ABCC12: variants seen among roughly 807,000 people sequenced by gnomAD.
The protein encoded by ABCC12 is ATP binding cassette subfamily C member 12.
A neutral mutation model predicts 151.1 loss-of-function variants in ABCC12; 142 were observed. The observed-to-expected ratio is 0.94, with a 90% confidence interval of 0.82 to 1.08. ABCC12 has a LOEUF of 1.08. Ranked by LOEUF, ABCC12 falls within the 50% of genes least tolerant of loss-of-function variation. ABCC12 has a pLI of 0.00. For missense variants in ABCC12, 1,638 were observed against 1,691.1 expected (o/e 0.97, Z 0.55); for synonymous variants, 645 against 646.4 (o/e 1.00, Z 0.03).
chr16:48,100,853 G>A lies in ABCC12; in HGVS notation c.3038+19C>T. 1 of 1,612,290 alleles carries A rather than the reference G, an allele frequency of 6.2e-7. No individual in the cohort carries two copies. Among genetic ancestry groups the A allele is most frequent in the Middle Eastern group, 1.7e-4 (1 of 5,988 alleles). ...CATGAAGCATGGGGGCCTGGGGCAG[G>A]GCCCCACATGGGACTCACTAGGTGA... On this transcript the variant is annotated intron_variant, in intron 23 of 30. Coordinates refer to ENST00000311303, the MANE Select transcript of ABCC12 (RefSeq NM_001393797.1).
intron 1 of ABCC12, among the ~76,000 whole-genome samples, chr16:48,154,447 C>T (rs1333228564): frequency 6.6e-6 from 1 of 152,174 alleles, no homozygotes; most frequent in Admixed American, 6.5e-5. Context: ...TGACAATCCA[C>T]TTACGTTGAG....
intron 4 of ABCC12, among the ~76,000 whole-genome samples, chr16:48,142,755 A>T (rs1567458132): frequency 6.6e-6 from 1 of 152,258 alleles, no homozygotes; most frequent in Admixed American, 6.5e-5. Flanking sequence ...AAAAGTCTTT[A>T]TAAACTCTTA....
At chr16:48,090,708 T>C (rs1259176444) in intron 25 of ABCC12, among the ~76,000 whole-genome samples, 1 of 152,078 alleles carries the variant, frequency 6.6e-6, no homozygotes, top group African/African-American at 2.4e-5. Flanking sequence ...CTCGTCCGAT[T>C]TGGGGTTTTT....
chr16:48,143,633 G>T (rs535239597), intron 4 of ABCC12, among the ~76,000 whole-genome samples: 36 of 152,240 alleles, frequency 2.4e-4, no homozygotes, highest in Middle Eastern at 3.4e-3. Context: ...TGAATCATGG[G>T]GGTGGATTTT....
Position 48,140,869 on chromosome 16 carries a change from C to A in ABCC12, c.475G>T (p.Val159Phe). The part of the protein sequence containing the change: ...LQQTERTSGK[V>F]WVGIGLCIAL... ...ATGCACAGTCCAATGCCAACCCAGA[C>A]TTTCCCAGAGGTCCTCTCAGTCTGC... Residue 159 changes from valine to phenylalanine, a missense_variant, in exon 6 of 31, where the codon GTC (valine) becomes TTC (phenylalanine). Coordinates refer to ENST00000311303, the MANE Select transcript of ABCC12 (RefSeq NM_001393797.1). The A allele has an allele frequency of 6.2e-7, 1 of 1,614,182 alleles. No homozygotes were observed. The highest frequency in any genetic ancestry group is 8.5e-7 in the Non-Finnish European group (1 of 1,180,036).
At chr16:48,127,475 C>G (rs772907114) in intron 11 of ABCC12, among the ~76,000 whole-genome samples, 5 of 152,152 alleles carry the variant, frequency 3.3e-5, no homozygotes, top group Non-Finnish European at 7.3e-5. Context: ...GGCTGGGTTG[C>G]TTGTTATCTC....
intron 6 of ABCC12, 152 bp downstream of exon 6, chr16:48,140,535 C>T: frequency 1.3e-6 from 1 of 754,580 alleles, no homozygotes; most frequent in East Asian, 2.5e-5. Flanking sequence ...TCTGTGTCTC[C>T]ACCACCTCAC....
At chr16:48,084,781 T>C (rs775908301) in intron 29 of ABCC12, among the ~76,000 whole-genome samples, 2 of 152,196 alleles carry the variant, frequency 1.3e-5, no homozygotes, top group Non-Finnish European at 2.9e-5. Flanking sequence ...CGGAGGAACA[T>C]GTTCGCAGGT....
chr16:48,133,667 G>C lies in ABCC12; in HGVS notation c.1128+20C>G, dbSNP rs1036648628. On this transcript the variant is annotated intron_variant, in intron 9 of 30. Coordinates refer to ENST00000311303, the MANE Select transcript of ABCC12 (RefSeq NM_001393797.1). Reference sequence around the variant, plus strand: ...CGGGGTCAGGTTGTGAAAGAGCCTCGATCTGGAGCCAGCTCTTACCACGGG... The same window carrying C: ...CGGGGTCAGGTTGTGAAAGAGCCTCCATCTGGAGCCAGCTCTTACCACGGG... 5 of 1,611,674 alleles carry C rather than the reference G, an allele frequency of 3.1e-6. No homozygotes were observed. Among genetic ancestry groups the C allele is most frequent in the East Asian group, 2.2e-5 (1 of 44,836 alleles).
rs1451785678 is a variant in ABCC12, at chr16:48,128,582, G to T, written c.1392C>A (p.Cys464Ter). 9 of 1,614,200 alleles carry T rather than the reference G, an allele frequency of 5.6e-6. No individual in the cohort carries two copies. The highest frequency in any genetic ancestry group is 7.6e-6 in the Non-Finnish European group (9 of 1,180,044). Residue 464 changes from cysteine to a stop codon, truncating the protein, a stop_gained, in exon 11 of 31, where the codon TGC (cysteine) becomes TGA (stop). Coordinates refer to ENST00000311303, the MANE Select transcript of ABCC12 (RefSeq NM_001393797.1). LOFTEE classifies it high-confidence loss of function. ...TGTATGCCTCTGACCTCTGTTTCTT[G>T]CATAAATGCCTTTTCTGGTTCTGCA... ...KKLQNQKRHL[C>*]KKQRSEAYSE... is the part of the protein sequence containing the mutation.
At chr16:48,097,495 C>A (rs1010570828) in intron 23 of ABCC12, among the ~76,000 whole-genome samples, 2 of 152,162 alleles carry the variant, frequency 1.3e-5, no homozygotes, top group African/African-American at 4.8e-5. Context: ...GAAGCTGACA[C>A]CTTGCATCCC....
intron 3 of ABCC12, among the ~76,000 whole-genome samples, chr16:48,145,681 G>A (rs1455586164): frequency 1.3e-5 from 2 of 152,226 alleles, no homozygotes; most frequent in Non-Finnish European, 2.9e-5. Context: ...GTGTGACCGA[G>A]CCTGGGCTAG....
chr16:48,144,495 T>C (rs1467374142), intron 3 of ABCC12, among the ~76,000 whole-genome samples: 1 of 151,814 alleles, frequency 6.6e-6, no homozygotes, highest in Non-Finnish European at 1.5e-5. Flanking sequence ...CTGCCCAGAA[T>C]TGCAGGGCAT....
chr16:48,094,493 G>A (rs1963020934), intron 24 of ABCC12, among the ~76,000 whole-genome samples: 1 of 152,164 alleles, frequency 6.6e-6, no homozygotes, highest in Non-Finnish European at 1.5e-5. Flanking sequence ...GGTGTGAGAA[G>A]GGGGCCCACA....
intron 9 of ABCC12, 124 bp downstream of exon 9, chr16:48,133,563 T>A: frequency 3.8e-5 from 38 of 1,005,040 alleles, no homozygotes; most frequent in Non-Finnish European, 4.7e-5. Context: ...TGAAGTCACA[T>A]CCTGTGGCCT....
intron 26 of ABCC12, 107 bp downstream of exon 26, chr16:48,088,438 C>T: frequency 3.1e-6 from 4 of 1,287,352 alleles, no homozygotes; most frequent in Non-Finnish European, 4.3e-6. Context: ...AAATAACAGC[C>T]AATCTGACAC....
intron 23 of ABCC12, 144 bp downstream of exon 23, chr16:48,100,728 G>T (rs548110195): frequency 7.5e-5 from 73 of 971,836 alleles, no homozygotes; most frequent in Non-Finnish European, 1.0e-4. Context: ...GAGGCCAAGT[G>T]TCTTCAAGGA....
At chr16:48,088,200 C>A in intron 26 of ABCC12, 115 bp from the exon 27 acceptor site, 6 of 1,223,814 alleles carry the variant, frequency 4.9e-6, no homozygotes, top group Non-Finnish European at 5.7e-6. Flanking sequence ...GTAAGGATGA[C>A]AGTGTAGACA....
chr16:48,139,512 G>A (rs1964733227), intron 6 of ABCC12, among the ~76,000 whole-genome samples, 176 bp from the exon 7 acceptor site: 1 of 152,152 alleles, frequency 6.6e-6, no homozygotes, highest in African/African-American at 2.4e-5. Context: ...GTACGACTTT[G>A]GAGAGGCTGG....
Sources: allele counts gnomAD v4.1 joint callset (sites outside exome capture counted in the v4.1 genomes callset), GRCh38; gene constraint gnomAD v4.1.1; transcripts MANE v1.5; gene names NCBI Gene and HGNC (gene_info 2026-07-23, HGNC 2026-07-21).